Variants in THADA observed in about 807,000 individuals in gnomAD.
THADA encodes the protein THADA armadillo repeat containing, also known as tRNA (32-2'-O)-methyltransferase regulator THADA.
A neutral mutation model predicts 219.8 loss-of-function variants in THADA; 213 were observed. The observed-to-expected ratio is 0.97, with a 90% CI of 0.87 to 1.09. THADA has a LOEUF of 1.09. Among genes scored for constraint, THADA ranks in the 50% least tolerant of loss-of-function variants. The pLI is 0.00. For synonymous variants in THADA, 1,018 were observed against 828.9 expected (o/e 1.23, Z -3.92); for missense variants, 2,956 against 2,311.3 (o/e 1.28, Z -5.72).
At chr2:43,247,243 T>C (rs983261123) in intron 36 of THADA, among the ~76,000 whole-genome samples, 1 of 152,072 alleles carries the variant, frequency 6.6e-6, no homozygotes, top group African/African-American at 2.4e-5. Flanking sequence ...ACACTGAAAA[T>C]GGCAGCACAT....
chr2:43,546,189 T>C (rs1432843924), intron 20 of THADA, among the ~76,000 whole-genome samples: 10 of 151,832 alleles, frequency 6.6e-5, no homozygotes, highest in Admixed American at 6.6e-4. Context: ...TGGTTTTGAG[T>C]TTCTTAATCC....
At chr2:43,380,690 T>C (rs1001824850) in intron 29 of THADA, among the ~76,000 whole-genome samples, 2 of 152,184 alleles carry the variant, frequency 1.3e-5, no homozygotes, top group African/African-American at 4.8e-5. Flanking sequence ...TGCCCCAATC[T>C]TGGTTTCGAA....
At chr2:43,301,711 G>A (rs773929438) in intron 31 of THADA, among the ~76,000 whole-genome samples, 3 of 152,146 alleles carry the variant, frequency 2.0e-5, no homozygotes, top group Non-Finnish European at 4.4e-5. Flanking sequence ...ACTCATGTCA[G>A]GGGACACTTG....
chr2:43,527,080 C>A (rs1443071566), intron 22 of THADA, among the ~76,000 whole-genome samples: 1 of 151,998 alleles, frequency 6.6e-6, no homozygotes, highest in Non-Finnish European at 1.5e-5. Context: ...ATGTTTTTAC[C>A]AGGCATGTGA....
rs557545406 is a variant in THADA, at chr2:43,326,281, T to G, written c.4344-5741A>C. Among the ~76,000 whole-genome samples, 6 of 152,106 alleles carry G rather than the reference T, an allele frequency of 3.9e-5. No individual in the cohort carries two copies. The East Asian group carries it at 1.2e-3, about 29-fold the overall frequency. Reference sequence around the variant, plus strand: ...AGGAGGGATTAACAGAGTAACTGTTTGTCTGGGTGAGTCAGGAAGGGCCTT... The same window carrying G: ...AGGAGGGATTAACAGAGTAACTGTTGGTCTGGGTGAGTCAGGAAGGGCCTT... On this transcript the variant is annotated intron_variant, in intron 30 of 37. Coordinates refer to ENST00000405975, the MANE Select transcript of THADA (RefSeq NM_022065.5).
At chr2:43,331,960 A>C (rs1665835684) in intron 30 of THADA, among the ~76,000 whole-genome samples, 1 of 108,768 alleles carries the variant, frequency 9.2e-6, no homozygotes, top group Non-Finnish European at 2.0e-5. Context: ...AGGTTCCCAC[A>C]ATGCTGGGCG....
chr2:43,405,560 C>T (rs777767837), intron 28 of THADA, among the ~76,000 whole-genome samples: 7 of 152,182 alleles, frequency 4.6e-5, no homozygotes, highest in Non-Finnish European at 1.0e-4. Flanking sequence ...GCTCCTTTTC[C>T]TGCAATTCAA....
intron 26 of THADA, among the ~76,000 whole-genome samples, chr2:43,445,687 T>A (rs1465329475): frequency 6.6e-6 from 1 of 152,204 alleles, no homozygotes; most frequent in Non-Finnish European, 1.5e-5. Flanking sequence ...TTTTTTGTTT[T>A]TTTGAGACAG....
At chr2:43,265,460 G>A (rs745492036) in intron 36 of THADA, among the ~76,000 whole-genome samples, 7 of 152,242 alleles carry the variant, frequency 4.6e-5, no homozygotes, top group Non-Finnish European at 8.8e-5. Flanking sequence ...TGCTTAGCGA[G>A]GAGAATCCTG....
intron 20 of THADA, among the ~76,000 whole-genome samples, chr2:43,547,539 A>G (rs1696188473): frequency 1.3e-5 from 2 of 152,210 alleles, no homozygotes; most frequent in Admixed American, 6.5e-5. Context: ...ACATAGTCCC[A>G]TATTTCTTGG....
Position 43,556,364 on chromosome 2 carries a change from C to T in THADA, c.2655G>A (p.Val885=). 6.2e-7 allele frequency: 1 copy of T among 1,613,790 alleles called. No homozygotes were observed. The highest frequency in any genetic ancestry group is 8.5e-7 in the Non-Finnish European group (1 of 1,179,798). ...CDNGDRPAAV[V]ERNTLMVIKC... is the part of the protein sequence containing the mutation. ...ACAAACCCATTAATGTGTTCCTTTC[C>T]ACCACAGCAGCAGGCCTATCTCCAT... The change falls in exon 17 of 38, where the codon GTG becomes GTA. Residue 885 remains valine, a synonymous_variant. Coordinates refer to ENST00000405975, the MANE Select transcript of THADA (RefSeq NM_022065.5).
chr2:43,364,119 G>A (rs1669844743), intron 29 of THADA, among the ~76,000 whole-genome samples: 3 of 152,088 alleles, frequency 2.0e-5, no homozygotes, highest in Admixed American at 1.3e-4. Context: ...AGCTACCAGG[G>A]AGGCTGAGGA....
At chr2:43,593,590 T>G (rs1025103368) in intron 1 of THADA, among the ~76,000 whole-genome samples, 7 of 151,800 alleles carry the variant, frequency 4.6e-5, no homozygotes, top group Non-Finnish European at 1.0e-4. Context: ...GCTAGACTGT[T>G]TTGGAGAAAA....
At chr2:43,411,459 G>A (rs1362999783) in intron 28 of THADA, among the ~76,000 whole-genome samples, 6 of 152,144 alleles carry the variant, frequency 3.9e-5, no homozygotes, top group Admixed American at 6.5e-5. Context: ...GTATGATTTC[G>A]TAGTGGTTAT....
chr2:43,398,144 G>C lies in THADA; in HGVS notation c.4059-5C>G, dbSNP rs1674330577. 6.2e-7 allele frequency: 1 copy of C among 1,613,004 alleles called. No individual in the cohort carries two copies. The highest frequency in any genetic ancestry group is 1.7e-5 in the Admixed American group (1 of 59,964). ...TAGACAGGTGAGTGACCACACCTGG[G>C]GAGAAATAAAAACACAAGACCATTC... is the stretch of plus-strand genomic sequence containing the variant. On this transcript the variant is annotated splice_polypyrimidine_tract_variant and splice_region_variant and intron_variant, in intron 28 of 37. Coordinates refer to ENST00000405975, the MANE Select transcript of THADA (RefSeq NM_022065.5).
chr2:43,293,258 A>G (rs1674964046), intron 31 of THADA, 45 bp from the exon 32 acceptor site: 2 of 1,553,706 alleles, frequency 1.3e-6, no homozygotes, highest in African/African-American at 1.4e-5. Context: ...ATCACTTTAA[A>G]TTTCCACAAA....
chr2:43,534,750 G>A (rs1694331552), intron 21 of THADA, among the ~76,000 whole-genome samples: 1 of 152,116 alleles, frequency 6.6e-6, no homozygotes, highest in South Asian at 2.1e-4. Context: ...CGTACCTTGT[G>A]TATTTTGAAT....
chr2:43,313,257 A>T (rs1677710065), intron 31 of THADA, among the ~76,000 whole-genome samples: 1 of 152,258 alleles, frequency 6.6e-6, no homozygotes, highest in South Asian at 2.1e-4. Context: ...AAGCAGTAAT[A>T]AATGAGAGCC....
intron 4 of THADA, among the ~76,000 whole-genome samples, chr2:43,587,767 C>T (rs145637084): frequency 6.6e-6 from 1 of 152,152 alleles, no homozygotes; most frequent in Non-Finnish European, 1.5e-5. Flanking sequence ...CTATCTTCCC[C>T]TTAGAATGTA....
Sources: allele counts gnomAD v4.1 joint callset (sites outside exome capture counted in the v4.1 genomes callset), GRCh38; gene constraint gnomAD v4.1.1; transcripts MANE v1.5; gene names NCBI Gene and HGNC (gene_info 2026-07-23, HGNC 2026-07-21).